Variants in PNKP observed in about 807,000 individuals in gnomAD.
The protein encoded by PNKP is polynucleotide kinase 3'-phosphatase, also known as bifunctional polynucleotide phosphatase/kinase.
In PNKP, 82 loss-of-function variants were observed where a neutral mutation model predicts 66.2. The ratio of observed to expected loss-of-function variants is 1.24; its 90% CI spans 1.04 to 1.49. The LOEUF (loss-of-function observed/expected upper bound fraction) is 1.49, where lower values mean the gene tolerates loss of function less well. Among genes scored for constraint, PNKP ranks in the 40% most tolerant of loss-of-function variants. PNKP has a pLI of 0.00. For missense variants in PNKP, 907 were observed against 706.8 expected (o/e 1.28, Z -3.21); for synonymous variants, 412 against 298.9 (o/e 1.38, Z -3.90).
chr19:49,866,650 A>G, intron 2 of PNKP: 1 of 667,950 alleles, frequency 1.5e-6, no homozygotes, highest in Admixed American at 2.1e-5. Flanking sequence ...ACAGGGAGGT[A>G]CTTTTCTCTA....
At chr19:49,866,873 C>A (rs556457313) in intron 2 of PNKP, 181 bp downstream of exon 2, 93 of 693,642 alleles carry the variant, frequency 1.3e-4, no homozygotes, top group Non-Finnish European at 2.1e-4. Context: ...CCCCTCTCCC[C>A]CAAAGGATCT....
chr19:49,862,451 G>C lies in PNKP; in HGVS notation c.949C>G (p.Leu317Val). Residue 317 changes from leucine to valine, a missense_variant, in exon 11 of 17, where the codon CTT (leucine) becomes GTT (valine). Leu to Val is a conservative substitution (Grantham distance 32, BLOSUM62 1). Transcript: ENST00000322344. ...TCAGGCGTGGCGAAGGGCAGGCCAA[G>C]GTTGAGGGCAAACTAGGGGTTGAGG... Reference protein sequence around the residue: ...SCADRLFALNLGLPFATPEEF... With the variant: ...SCADRLFALNVGLPFATPEEF... The C allele has an allele frequency of 6.3e-7, 1 of 1,590,152 alleles. No homozygotes were observed. Among genetic ancestry groups the C allele is most frequent in the African/African-American group, 1.3e-5 (1 of 74,620 alleles).
chr19:49,862,503 G>T (rs749313220), intron 10 of PNKP, 35 bp downstream of exon 10: 2 of 1,599,876 alleles, frequency 1.3e-6, no homozygotes, highest in African/African-American at 2.7e-5. Context: ...GGCCAGGGTC[G>T]GGCTCGGGCG....
At position 49,862,760 on chromosome 19, in the gene PNKP, A is replaced by C. The variant is rs1055370294; in HGVS notation, c.817-22T>G. 3.1e-6 allele frequency: 5 copies of C among 1,613,682 alleles called. No homozygotes were observed. In the African/African-American group the frequency reaches 5.3e-5, roughly 17 times the overall value. On this transcript the variant is annotated intron_variant, in intron 8 of 16. Coordinates refer to ENST00000322344, the MANE Select transcript of PNKP (RefSeq NM_007254.4). ...TGGCCTACGGGAGACGGTAGTGAGGAGGCCCTTCCCACAAATGTCCCCCCG... is the reference window on the plus strand; with the variant it reads ...TGGCCTACGGGAGACGGTAGTGAGGCGGCCCTTCCCACAAATGTCCCCCCG...
rs2074799795 is a variant in PNKP at position 49,864,024 on chromosome 19, T to C, written c.684A>G (p.Pro228=). ...CCACCTTGGCCTTGAACTCCTCGGC[T>C]GGCAGCTTCCCGCGCCCGATGCTCA... The part of the protein sequence containing the change: ...NQMSIGRGKL[P]AEEFKAKVEA... The change falls in exon 7 of 17, where the codon CCA becomes CCG. Residue 228 remains proline (P), a synonymous_variant. Transcript: ENST00000322344. 2 of 1,614,114 alleles carry C rather than the reference T, an allele frequency of 1.2e-6. No homozygotes were observed. Among genetic ancestry groups the C allele is most frequent in the East Asian group, 2.2e-5 (1 of 44,884 alleles).
chr19:49,866,070 TGTG>T (rs1417665948), intron 3 of PNKP: 5 of 412,354 alleles, frequency 1.2e-5, no homozygotes, highest in South Asian at 8.5e-5. Context: ...TGAAGTACAG[TGTG>T]GTGATCACTG....
chr19:49,863,476 C>T (rs944897078), intron 8 of PNKP, among the ~76,000 whole-genome samples: 3 of 152,190 alleles, frequency 2.0e-5, no homozygotes, highest in South Asian at 4.1e-4. Flanking sequence ...AACGAATGAA[C>T]GAAGGAATGA....
rs758351663 is a variant in PNKP at position 49,867,235 on chromosome 19, G to T, written c.-13-18C>A. The T allele has an allele frequency of 1.9e-6, 3 of 1,591,058 alleles. No individual in the cohort carries two copies. The highest frequency in any genetic ancestry group is 2.3e-5 in the East Asian group (1 of 43,586). ...GTGCCGGCCTGGGGAGCAGGTAAAC[G>T]GGCTTGAGCGGCGCACAGCCCCAAT... is the stretch of plus-strand genomic sequence containing the variant. On this transcript the variant is annotated intron_variant, in intron 1 of 16. Transcript: ENST00000322344.
chr19:49,864,185 G>C lies in PNKP; in HGVS notation c.630C>G (p.Gly210=). 6.2e-7 allele frequency: 1 copy of C among 1,614,146 alleles called. No homozygotes were observed. The highest frequency in any genetic ancestry group is 1.1e-5 in the South Asian group (1 of 91,088). Residue 210 remains glycine, a synonymous_variant, in exon 6 of 17, where the codon GGC becomes GGG. Transcript: ENST00000322344. ...GACAGGCGGCTGCACATACCTTGTA[G>C]CCCTCGGCTTCCAGCTCTCGGAGCT... ...PRKLRELEAE[G]YKLVIFTNQM...
chr19:49,861,600 G>A lies in PNKP; in HGVS notation c.1386+8C>T, dbSNP rs2074762037. ...AGCCCGGGGGGTGTCCGGGCTGAGC[G>A]GGCTCACCCGGTTGTTGTGGCGCGC... is the stretch of plus-strand genomic sequence containing the variant. On this transcript the variant is annotated splice_region_variant and intron_variant, in intron 15 of 16. Coordinates refer to ENST00000322344, the MANE Select transcript of PNKP (RefSeq NM_007254.4). 7.7e-6 allele frequency: 12 copies of A among 1,558,894 alleles called. No individual in the cohort carries two copies. Among genetic ancestry groups the A allele is most frequent in the Non-Finnish European group, 1.0e-5 (12 of 1,152,510 alleles).
Position 49,861,846 on chromosome 19 carries a change from C to T in PNKP, c.1224G>A (p.Thr408=), listed in dbSNP as rs770849181. 6 of 1,593,860 alleles carry T rather than the reference C, an allele frequency of 3.8e-6. No individual in the cohort carries two copies. In the South Asian group the frequency reaches 4.5e-5, roughly 12 times the overall value. Residue 408 remains threonine (T), a synonymous_variant, in exon 14 of 17, where the codon ACG becomes ACA. Coordinates refer to ENST00000322344, the MANE Select transcript of PNKP (RefSeq NM_007254.4). ...TCCCTTGCTTCAGGGCTGTCTCACACGTGGTCACACAGCGCTGCCAGGAGC... is the reference window on the plus strand; with the variant it reads ...TCCCTTGCTTCAGGGCTGTCTCACATGTGGTCACACAGCGCTGCCAGGAGC... ...TLGSWQRCVT[T]CETALKQGKR... is the part of the protein sequence containing the mutation.
In PNKP at chr19:49,861,464, AC is replaced by A; in HGVS notation, c.1432del (p.Val478SerfsTer?). ...CCAACAGTACCTGTAGCCATACATGACCATGTCTGACACGGGGATATGAGAG... is the reference window on the plus strand; with the variant it reads ...CCAACAGTACCTGTAGCCATACATGACATGTCTGACACGGGGATATGAGAG... The part of the protein sequence containing the change: ...DSSHIPVSDM[V>X]MYGYRKQFEA... On this transcript the variant is annotated frameshift_variant, in exon 16 of 17. Transcript: ENST00000322344. LOFTEE classifies it high-confidence loss of function. 1 of 1,613,002 alleles carries A rather than the reference AC, an allele frequency of 6.2e-7. No homozygotes were observed. Among genetic ancestry groups the A allele is most frequent in the South Asian group, 1.1e-5 (1 of 91,050 alleles).
chr19:49,861,390 G>A (rs1243572923), intron 16 of PNKP, 25 bp from the exon 17 acceptor site: 2 of 1,613,812 alleles, frequency 1.2e-6, no homozygotes, highest in Middle Eastern at 1.6e-4. Flanking sequence ...AACAGTGAGG[G>A]ACAGCCTGGA....
chr19:49,863,919 A>G, intron 7 of PNKP, 45 bp downstream of exon 7: 2 of 1,513,546 alleles, frequency 1.3e-6, no homozygotes, highest in Non-Finnish European at 9.2e-7. Flanking sequence ...CTCGCTCTGG[A>G]TCTCTGTGCC....
Position 49,861,346 on chromosome 19 carries a change from T to C in PNKP, c.1468A>G (p.Thr490Ala), listed in dbSNP as rs727504100. ...ATGGCAGAGAAGCCTTCAGCCAGCG[T>C]TGGGGCCTCGAACTGCTTCCTGGCA... ...YGYRKQFEAP[T>A]LAEGFSAILE... The change falls in exon 17 of 17, where the codon ACG becomes GCG. Residue 490 changes from threonine (T) to alanine (A), a missense_variant. Thr to Ala is a moderately conservative substitution (Grantham distance 58, BLOSUM62 0). Coordinates refer to ENST00000322344, the MANE Select transcript of PNKP (RefSeq NM_007254.4). The C allele has an allele frequency of 5.0e-6, 8 of 1,613,990 alleles. No individual in the cohort carries two copies. Among genetic ancestry groups the C allele is most frequent in the African/African-American group, 2.7e-5 (2 of 74,916 alleles).
Position 49,866,399 on chromosome 19 carries a change from C to T in PNKP, c.198G>A (p.Gln66=). 1.2e-6 allele frequency: 2 copies of T among 1,613,502 alleles called. No individual in the cohort carries two copies. Among genetic ancestry groups the T allele is most frequent in the Non-Finnish European group, 1.7e-6 (2 of 1,179,404 alleles). The change falls in exon 3 of 17, where the codon CAG becomes CAA. Residue 66 remains glutamine, a splice_region_variant and synonymous_variant. Transcript: ENST00000322344. ...CTGGCCCTTGCAGAGGCACTGATAC[C>T]TGTTTCACTGCCACTGTCCGGGTCT... is the stretch of plus-strand genomic sequence containing the variant. The part of the protein sequence containing the change: ...DPETRTVAVK[Q]LGVNPSTTGT...
chr19:49,863,610 C>G (rs1378105102), intron 8 of PNKP, 79 bp downstream of exon 8: 18 of 1,085,148 alleles, frequency 1.7e-5, no homozygotes, highest in Non-Finnish European at 2.5e-5. Context: ...AAGGAGGCCC[C>G]AACCGGAGGC....
rs768661843 is a variant in PNKP at position 49,863,716 on chromosome 19, C to T, written c.789G>A (p.Thr263=). The change falls in exon 8 of 17, where the codon ACG becomes ACA. Residue 263 remains threonine (T), a synonymous_variant. Coordinates refer to ENST00000322344, the MANE Select transcript of PNKP (RefSeq NM_007254.4). ...THAGLYRKPV[T]GMWDHLQEQA... is the part of the protein sequence containing the mutation. ...GCTCCTGCAGATGGTCCCACATGCC[C>T]GTCACCGGCTTCCGGTACAAGCCTG... 13 of 1,557,506 alleles carry T rather than the reference C, an allele frequency of 8.3e-6. No homozygotes were observed. Among genetic ancestry groups the T allele is most frequent in the Admixed American group, 3.9e-5 (2 of 51,608 alleles).
chr19:49,864,240 C>G lies in PNKP; in HGVS notation c.579-4G>C. 4 of 1,614,166 alleles carry G rather than the reference C, an allele frequency of 2.5e-6. No homozygotes were observed. The East Asian group carries it at 8.9e-5, about 36-fold the overall frequency. ...GGGAATCTCTGGGTACAAGATCCTA[C>G]GGCAGGTATGAAGCGGCAGGGGTGA... On this transcript the variant is annotated splice_polypyrimidine_tract_variant and splice_region_variant and intron_variant, in intron 5 of 16. Transcript: ENST00000322344.
Sources: gnomAD v4.1 joint callset for allele counts (sites outside exome capture counted in the v4.1 genomes callset) on GRCh38, gnomAD v4.1.1 for gene constraint, MANE v1.5 for transcripts, NCBI Gene and HGNC (gene_info 2026-07-23, HGNC 2026-07-21) for gene names.